The following CEACAM20 variants were observed in gnomAD, a reference collection of about 807,000 sequenced individuals.
The protein encoded by CEACAM20 is CEA cell adhesion molecule 20.
CEACAM20 carries 50 observed loss-of-function variants against 61.2 expected under a neutral mutation model. The observed-to-expected ratio is 0.82, with a 90% CI of 0.65 to 1.03. The LOEUF (loss-of-function observed/expected upper bound fraction) is 1.03. Ranked by LOEUF, CEACAM20 falls within the 50% of genes least tolerant of loss-of-function variation. The pLI is 0.00. For synonymous variants in CEACAM20, 282 were observed against 287.7 expected, an observed-to-expected ratio of 0.98 and a Z score of 0.20; for missense variants, 683 against 736.4, an observed-to-expected ratio of 0.93 and a Z score of 0.84.
intron 6 of CEACAM20, 85 bp downstream of exon 6, chr19:44,516,861 C>T: frequency 6.8e-7 from 1 of 1,470,312 alleles, no homozygotes; most frequent in South Asian, 1.3e-5. Context: ...CACTCCAGCC[C>T]TCGGTAGGGG....
intron 5 of CEACAM20, among the ~76,000 whole-genome samples, chr19:44,517,896 T>C (rs995021382): frequency 6.6e-6 from 1 of 151,560 alleles, no homozygotes; most frequent in Non-Finnish European, 1.5e-5. Flanking sequence ...CTGACCAGTG[T>C]GGCGAATCAC....
At chr19:44,506,332 C>T (rs1970817755) in intron 11 of CEACAM20, 118 bp from the exon 12 acceptor site, 6 of 810,840 alleles carry the variant, frequency 7.4e-6, no homozygotes, top group Non-Finnish European at 1.2e-5. Flanking sequence ...TTCCAAAAAT[C>T]TTCCTCCATT....
In CEACAM20 at chr19:44,511,054, T is replaced by C; in HGVS notation, c.1713A>G (p.Pro571=). Residue 571 remains proline (P), a synonymous_variant, in exon 11 of 12, where the codon CCA becomes CCG. Coordinates refer to ENST00000614924, the MANE Select transcript of CEACAM20 (RefSeq NM_001102597.3). Reference sequence around the variant, plus strand: ...CCTCATAGATTGACTCCATGTTTTTTGGCACAGTGGAGACCAATCTGAGTG... The same window carrying C: ...CCTCATAGATTGACTCCATGTTTTTCGGCACAGTGGAGACCAATCTGAGTG... The part of the protein sequence containing the change: ...MPPLRLVSTV[P]KNMESIYEEL... 1 of 1,613,952 alleles carries C rather than the reference T, an allele frequency of 6.2e-7. No homozygotes were observed. The highest frequency in any genetic ancestry group is 1.1e-5 in the South Asian group (1 of 91,070).
rs929225974 is a variant in CEACAM20, at chr19:44,515,399, A to G, written c.1309+1547T>C. Among the ~76,000 whole-genome samples, 4 of 152,186 alleles carry G rather than the reference A, an allele frequency of 2.6e-5. No individual in the cohort carries two copies. In the South Asian group the frequency reaches 6.2e-4, roughly 24 times the overall value. ...TTGCTCCATCCATCAAATGGTCTTAATAAGACCACAAGATTGTTCTGAAGA... is the reference window on the plus strand; with the variant it reads ...TTGCTCCATCCATCAAATGGTCTTAGTAAGACCACAAGATTGTTCTGAAGA... On this transcript the variant is annotated intron_variant, in intron 6 of 11. Transcript: ENST00000614924.
Position 44,520,748 on chromosome 19 carries a change from T to C in CEACAM20, c.756A>G (p.Thr252=). ...AAGGCACGACTTGAGGCATGGTCAG[T>C]GTTTCTGGAAACACGTGGAGATACA... ...LGTLKVRVLE[T]LTMPQVVPSS... Residue 252 remains threonine, a synonymous_variant, in exon 5 of 12, where the codon ACA becomes ACG. Coordinates refer to ENST00000614924, the MANE Select transcript of CEACAM20 (RefSeq NM_001102597.3). 2 of 1,611,850 alleles carry C rather than the reference T, an allele frequency of 1.2e-6. No homozygotes were observed. Among genetic ancestry groups the C allele is most frequent in the Non-Finnish European group, 1.7e-6 (2 of 1,178,576 alleles).
intron 8 of CEACAM20, among the ~76,000 whole-genome samples, chr19:44,512,427 C>G (rs2123564911): frequency 6.6e-6 from 1 of 152,274 alleles, no homozygotes; most frequent in East Asian, 1.9e-4. Context: ...ATCAAAAGGC[C>G]TATCCTTCCA....
chr19:44,515,978 G>A (rs1971142735), intron 6 of CEACAM20, among the ~76,000 whole-genome samples: 2 of 152,116 alleles, frequency 1.3e-5, no homozygotes, highest in Non-Finnish European at 1.5e-5. Flanking sequence ...AACACAATAT[G>A]CCAAGCACTG....
rs768563284 is a variant in CEACAM20 at position 44,517,210 on chromosome 19, C to T, written c.1045G>A (p.Val349Met). The T allele has an allele frequency of 6.2e-6, 10 of 1,606,518 alleles. No individual in the cohort carries two copies. In the East Asian group the frequency reaches 2.2e-4, roughly 36 times the overall value. ...GATGCCGACTCCCTGGTGATGTGCA[C>T]TTGGTCAGGACCATCTGTGTGTAAA... ...ELTINYGPDQ[V>M]HITRESASEM... The change falls in exon 6 of 12, where the codon GTG (valine) becomes ATG (methionine). Residue 349 changes from valine to methionine, a missense_variant. Coordinates refer to ENST00000614924, the MANE Select transcript of CEACAM20 (RefSeq NM_001102597.3).
chr19:44,522,795 C>G lies in CEACAM20; in HGVS notation c.590G>C (p.Cys197Ser), dbSNP rs765805694. Residue 197 changes from cysteine (C) to serine (S), a missense_variant, in exon 4 of 12, where the codon TGT becomes TCT. Physicochemically the swap from Cys to Ser is moderately radical, Grantham distance 112. Transcript: ENST00000614924. ...FLAETKSHPP[C>S]AYTWFLLDSI... The stretch of plus-strand genomic sequence containing the variant: ...GTCAAGGAGAAACCAAGTATAGGCA[C>G]AGGGTGGGTGAGACTTTGTTTCCGC... 1 of 1,613,622 alleles carries G rather than the reference C, an allele frequency of 6.2e-7. No homozygotes were observed. Among genetic ancestry groups the G allele is most frequent in the African/African-American group, 1.3e-5 (1 of 74,898 alleles).
In CEACAM20 at chr19:44,511,011, CAG is replaced by C; in HGVS notation, c.1737+17_1737+18del. ...ACAGATTTCCACCTGTCCAAAGACT[CAG>C]TGTGGCATAAACATACCTCATAGAT... On this transcript the variant is annotated intron_variant, in intron 11 of 11. Transcript: ENST00000614924. 6.2e-7 allele frequency: 1 copy of C among 1,613,618 alleles called. No individual in the cohort carries two copies.
intron 1 of CEACAM20, among the ~76,000 whole-genome samples, chr19:44,528,509 C>A (rs755612685): frequency 3.9e-5 from 6 of 152,172 alleles, no homozygotes; most frequent in Non-Finnish European, 8.8e-5. Context: ...CAGGCGTGAG[C>A]CACTGTGCCT....
chr19:44,519,993 G>A (rs183884889), intron 5 of CEACAM20, among the ~76,000 whole-genome samples: 15 of 152,224 alleles, frequency 9.9e-5, no homozygotes, highest in Admixed American at 9.1e-4. Context: ...CCTGTCACTC[G>A]GGGTCACACT....
At chr19:44,517,568 G>A (rs765666832) in intron 5 of CEACAM20, among the ~76,000 whole-genome samples, 7 of 151,932 alleles carry the variant, frequency 4.6e-5, no homozygotes, top group Non-Finnish European at 7.4e-5. Context: ...GTAGTGGCAC[G>A]CACCTGTAGT....
Position 44,506,196 on chromosome 19 carries a change from G to T in CEACAM20, c.1756C>A (p.Pro586Thr). ...GGGTTGATTTGGATGTAAGTGTTGG[G>T]CTCTGGATTCACAAGCTCCTGTTAA... ...SIYEELVNPE[P>T]NTYIQINPSV The change falls in exon 12 of 12, where the codon CCC becomes ACC. Residue 586 changes from proline to threonine, a missense_variant. Transcript: ENST00000614924. 6.2e-7 allele frequency: 1 copy of T among 1,613,766 alleles called. No individual in the cohort carries two copies. Among genetic ancestry groups the T allele is most frequent in the South Asian group, 1.1e-5 (1 of 91,042 alleles).
In CEACAM20 at chr19:44,512,915, G is replaced by A. The variant is rs1230408511; in HGVS notation, c.1466C>T (p.Thr489Ile). ...RKTTEDPSHETSQPIPKEEHP... is the reference protein window; with the variant it reads ...RKTTEDPSHEISQPIPKEEHP... ...CTCCTCCTTCGGGATGGGTTGTGAG[G>A]TCTCATGACTGGGGTCCTCTGTTGT... is the stretch of plus-strand genomic sequence containing the variant. The change falls in exon 8 of 12, where the codon ACC (threonine) becomes ATC (isoleucine). Residue 489 changes from threonine (T) to isoleucine (I), a missense_variant. By Grantham distance (89) the Thr-to-Ile change is moderately conservative. Transcript: ENST00000614924. 1 of 1,613,772 alleles carries A rather than the reference G, an allele frequency of 6.2e-7. No individual in the cohort carries two copies.
Position 44,529,600 on chromosome 19 carries a change from C to T in CEACAM20, c.-91G>A. On this transcript the variant is annotated 5_prime_UTR_variant, in exon 1 of 12. Coordinates refer to ENST00000614924, the MANE Select transcript of CEACAM20 (RefSeq NM_001102597.3). ...GTCCTCACTCCAGGTGCAGCCCCTCCACCTCCCTTCTCTCCTCTCCCACCC... is the reference window on the plus strand; with the variant it reads ...GTCCTCACTCCAGGTGCAGCCCCTCTACCTCCCTTCTCTCCTCTCCCACCC... 1 of 1,053,246 alleles carries T rather than the reference C, an allele frequency of 9.5e-7. No homozygotes were observed. The highest frequency in any genetic ancestry group is 1.4e-6 in the Non-Finnish European group (1 of 690,010). The allele number at this position is 1,053,246 out of a possible 1,614,324, so 65.2% of individuals were successfully genotyped here.
Position 44,517,114 on chromosome 19 carries a change from G to C in CEACAM20, c.1141C>G (p.Pro381Ala). 2 of 1,613,114 alleles carry C rather than the reference G, an allele frequency of 1.2e-6. No individual in the cohort carries two copies. The highest frequency in any genetic ancestry group is 1.7e-6 in the Non-Finnish European group (2 of 1,179,610). The part of the protein sequence containing the change: ...LTLQCWAESK[P>A]GAEYRWTLEH... ...AGAGTCCAGCGATACTCAGCACCTG[G>C]CTTGGACTCGGCCCAACACTGCAGG... Residue 381 changes from proline (P) to alanine (A), a missense_variant, in exon 6 of 12, where the codon CCA becomes GCA. Transcript: ENST00000614924.
At chr19:44,506,264 C>A in intron 11 of CEACAM20, 50 bp from the exon 12 acceptor site, 1 of 1,541,570 alleles carries the variant, frequency 6.5e-7, no homozygotes, top group Non-Finnish European at 9.0e-7. Context: ...TGGACCCTCC[C>A]AGTCTACTCA....
At chr19:44,513,058 T>G in intron 7 of CEACAM20, 105 bp from the exon 8 acceptor site, 1 of 1,312,938 alleles carries the variant, frequency 7.6e-7, no homozygotes, top group Non-Finnish European at 1.1e-6. Flanking sequence ...CACAACCCTC[T>G]GAATTCCCCA....
Sources: gnomAD v4.1 joint callset for allele counts (sites outside exome capture counted in the v4.1 genomes callset) on GRCh38, gnomAD v4.1.1 for gene constraint, MANE v1.5 for transcripts, NCBI Gene and HGNC (gene_info 2026-07-23, HGNC 2026-07-21) for gene names.